The following KIAA1328 variants were observed in gnomAD, a reference collection of about 807,000 sequenced individuals.
KIAA1328 encodes KIAA1328.
Under a neutral mutation model 68.1 loss-of-function variants are expected in KIAA1328, and 52 were observed. That is an observed-to-expected ratio of 0.76 (90% CI 0.61 to 0.96). The LOEUF (loss-of-function observed/expected upper bound fraction) is 0.96. Ranked by LOEUF, KIAA1328 falls within the 40% of genes least tolerant of loss-of-function variation. The pLI is 0.00. For synonymous variants in KIAA1328, 232 were observed against 239.4 expected (o/e 0.97, Z 0.28); for missense variants, 641 against 677.6 (o/e 0.95, Z 0.60).
chr18:37,024,498 G>A (rs1292518047), intron 6 of KIAA1328, among the ~76,000 whole-genome samples: 2 of 151,610 alleles, frequency 1.3e-5, no homozygotes, highest in African/African-American at 2.4e-5. Flanking sequence ...ATTTACATTA[G>A]GTATATCTCC....
Position 37,114,893 on chromosome 18 carries a change from G to A in KIAA1328, c.1233-45307G>A, listed in dbSNP as rs150830353. 1.4e-3 allele frequency among the ~76,000 whole-genome samples: 215 copies of A among 152,164 alleles called. 1 individual carries two copies. The highest frequency in any genetic ancestry group is 4.8e-3 in the African/African-American group (199 of 41,532). ...CAGATAATACTATAAACACCTCTAC[G>A]CAAATAAACTAGAAAATCTAGAAGA... is the stretch of plus-strand genomic sequence containing the variant. On this transcript the variant is annotated intron_variant, in intron 7 of 9. Coordinates refer to ENST00000280020, the MANE Select transcript of KIAA1328 (RefSeq NM_020776.3).
chr18:37,096,850 C>T (rs1249375305), intron 7 of KIAA1328, among the ~76,000 whole-genome samples: 4 of 152,088 alleles, frequency 2.6e-5, no homozygotes, highest in African/African-American at 4.8e-5. Flanking sequence ...TTTCATATGT[C>T]TTTTGGCTGC....
chr18:36,830,014 A>T (rs951118040), intron 1 of KIAA1328, among the ~76,000 whole-genome samples: 6 of 152,132 alleles, frequency 3.9e-5, no homozygotes, highest in African/African-American at 1.4e-4. Flanking sequence ...CGTTCCTTAG[A>T]GGGGTTACTT....
chr18:37,226,955 C>T (rs568439131), downstream of KIAA1328, among the ~76,000 whole-genome samples: 6 of 152,190 alleles, frequency 3.9e-5, no homozygotes, highest in South Asian at 6.2e-4. Context: ...TTAGTAGAGA[C>T]GGGGTTTCCC....
intron 5 of KIAA1328, chr18:36,946,214 T>G (rs1477383999): frequency 6.6e-6 from 1 of 152,234 alleles, no homozygotes; most frequent in Admixed American, 6.5e-5. Context: ...TCTCTTATTT[T>G]ACTTTCTATA....
chr18:36,974,733 T>C (rs943753297), intron 6 of KIAA1328, among the ~76,000 whole-genome samples: 1 of 152,240 alleles, frequency 6.6e-6, no homozygotes, highest in African/African-American at 2.4e-5. Flanking sequence ...CTGTTTTCCA[T>C]ACAGGTTGTA....
intron 7 of KIAA1328, among the ~76,000 whole-genome samples, chr18:37,146,793 T>C (rs1415767765): frequency 6.6e-6 from 1 of 152,242 alleles, no homozygotes; most frequent in Non-Finnish European, 1.5e-5. Context: ...AGGCCTTTTT[T>C]ATTGCTAACC....
At chr18:36,952,963 G>A (rs2051222514) in intron 5 of KIAA1328, among the ~76,000 whole-genome samples, 1 of 150,128 alleles carries the variant, frequency 6.7e-6, no homozygotes, top group African/African-American at 2.4e-5. Flanking sequence ...ATAGTAGAAA[G>A]AGAGAAACAC....
At chr18:37,183,394 G>C (rs551737258) in intron 9 of KIAA1328, among the ~76,000 whole-genome samples, 2 of 152,022 alleles carry the variant, frequency 1.3e-5, no homozygotes, top group Non-Finnish European at 2.9e-5. Context: ...AATTGCCCAT[G>C]ATGGGCCCCA....
intron 5 of KIAA1328, among the ~76,000 whole-genome samples, chr18:36,949,073 C>T (rs1421371139): frequency 6.6e-6 from 1 of 152,086 alleles, no homozygotes; most frequent in Non-Finnish European, 1.5e-5. Flanking sequence ...TTGTGCAGTT[C>T]ACTTGATAAG....
chr18:37,040,342 T>C (rs2055196102), intron 6 of KIAA1328, among the ~76,000 whole-genome samples: 1 of 152,232 alleles, frequency 6.6e-6, no homozygotes, highest in Non-Finnish European at 1.5e-5. Context: ...ATCTGTTTCA[T>C]CTAAGTTGTC....
intron 5 of KIAA1328, among the ~76,000 whole-genome samples, chr18:36,924,652 C>T (rs2050047223): frequency 6.6e-6 from 1 of 152,038 alleles, no homozygotes; most frequent in Non-Finnish European, 1.5e-5. Context: ...ATATAGTTGG[C>T]TTTTTGAAGC....
intron 6 of KIAA1328, among the ~76,000 whole-genome samples, chr18:36,972,683 T>C (rs1327229086): frequency 2.0e-5 from 3 of 152,178 alleles, no homozygotes; most frequent in African/African-American, 4.8e-5. Flanking sequence ...AATGATGGCA[T>C]TGGTCTTTCA....
At chr18:37,190,005 G>A (rs1032754198) in intron 9 of KIAA1328, among the ~76,000 whole-genome samples, 3 of 151,666 alleles carry the variant, frequency 2.0e-5, no homozygotes, top group Non-Finnish European at 4.4e-5. Flanking sequence ...TCTTTCTTTA[G>A]ATAAAGTTTT....
chr18:36,930,647 T>C (rs938911944), intron 5 of KIAA1328, among the ~76,000 whole-genome samples: 1 of 152,150 alleles, frequency 6.6e-6, no homozygotes, highest in Non-Finnish European at 1.5e-5. Context: ...AAGATGGTTA[T>C]AAAATGTGCT....
rs188538084 is a variant in KIAA1328 at position 36,879,043 on chromosome 18, C to T, written c.333-6514C>T. Among the ~76,000 whole-genome samples, 72 of 152,250 alleles carry T rather than the reference C, an allele frequency of 4.7e-4. 1 individual carries two copies. The highest frequency in any genetic ancestry group is 3.9e-3 in the Admixed American group (59 of 15,288). On this transcript the variant is annotated intron_variant, in intron 4 of 9. Transcript: ENST00000280020. ...CAATTCGTCAAACTCATTCTTTGTCCGGTTTTGTTGCCTTGCTGGTGAGGA... is the reference window on the plus strand; with the variant it reads ...CAATTCGTCAAACTCATTCTTTGTCTGGTTTTGTTGCCTTGCTGGTGAGGA...
chr18:37,123,025 G>T (rs1199030875), intron 7 of KIAA1328, among the ~76,000 whole-genome samples: 6 of 152,144 alleles, frequency 3.9e-5, no homozygotes, highest in Admixed American at 3.9e-4. Flanking sequence ...TGAGACCTGG[G>T]ATTACCTCTC....
At chr18:37,153,070 T>C (rs1007935837) in intron 7 of KIAA1328, among the ~76,000 whole-genome samples, 2 of 152,096 alleles carry the variant, frequency 1.3e-5, no homozygotes, top group African/African-American at 4.8e-5. Context: ...AAATAAAAAA[T>C]TAGGGTGGGG....
intron 5 of KIAA1328, among the ~76,000 whole-genome samples, chr18:36,945,466 A>C (rs1289940032): frequency 6.6e-6 from 1 of 152,164 alleles, no homozygotes; most frequent in Non-Finnish European, 1.5e-5. Flanking sequence ...AGTCATTTTC[A>C]AAGAGACAAG....
Sources: gnomAD v4.1 joint callset for allele counts (sites outside exome capture counted in the v4.1 genomes callset) on GRCh38, gnomAD v4.1.1 for gene constraint, MANE v1.5 for transcripts, NCBI Gene and HGNC (gene_info 2026-07-23, HGNC 2026-07-21) for gene names.